The following GGACT variants were observed in gnomAD, a reference collection of about 807,000 sequenced individuals.
The protein encoded by GGACT is gamma-glutamylamine cyclotransferase.
For synonymous variants in GGACT, 118 were observed against 115.3 expected (o/e 1.02, Z -0.15); for missense variants, 241 against 233.2 (o/e 1.03, Z -0.22).
chr13:100,565,144 C>T lies in GGACT; in HGVS notation c.-11+18681G>A, dbSNP rs187392413. Among the ~76,000 whole-genome samples, 505 of 152,244 alleles carry T rather than the reference C, an allele frequency of 3.3e-3. 4 individuals carry two copies. The highest frequency in any genetic ancestry group is 0.012 in the African/African-American group (479 of 41,536). ...GGCTCTACTCTAAGAATTCACGGTT[C>T]GTCTTGTTTAGAGCGGCTTGGTGAG... On this transcript the variant is annotated intron_variant, in intron 2 of 2. Transcript: ENST00000683975.
chr13:100,570,271 TGGGTAATTTATAAAA>T (rs1279873211), intron 2 of GGACT, among the ~76,000 whole-genome samples: 2 of 152,172 alleles, frequency 1.3e-5, no homozygotes, highest in Non-Finnish European at 2.9e-5. Context: ...TACCTGAGAC[TGGGTAATTTATAAAA>T]GGAAGAGGTT....
intron 2 of GGACT, among the ~76,000 whole-genome samples, chr13:100,554,381 A>G (rs896716883): frequency 6.6e-6 from 1 of 152,218 alleles, no homozygotes; most frequent in Non-Finnish European, 1.5e-5. Flanking sequence ...AGAAATGATT[A>G]TAAGACAGTT....
At position 100,530,397 on chromosome 13, in the gene GGACT, T is replaced by C. The variant is rs1026974616; in HGVS notation, c.*1733A>G. On this transcript the variant is annotated 3_prime_UTR_variant, in exon 3 of 3. Transcript: ENST00000683975. ...GTACTTCTGCTGTGAGATTCCCTAG[T>C]GTCAAAATTAAATCAATAAAACTGA... 1.3e-5 allele frequency: 8 copies of C among 598,814 alleles called. No individual in the cohort carries two copies. The African/African-American group carries it at 1.5e-4, about 11-fold the overall frequency. The allele number at this position is 598,814 out of a possible 1,614,324, so 37.1% of individuals were successfully genotyped here.
chr13:100,542,295 C>A (rs1426080758), intron 2 of GGACT, among the ~76,000 whole-genome samples: 1 of 152,206 alleles, frequency 6.6e-6, no homozygotes, highest in Non-Finnish European at 1.5e-5. Flanking sequence ...GGGTTTGTTT[C>A]ATGGGACAAG....
intron 2 of GGACT, among the ~76,000 whole-genome samples, chr13:100,559,858 G>GT (rs902999425): frequency 9.8e-5 from 15 of 152,368 alleles, no homozygotes; most frequent in Admixed American, 9.1e-4. Context: ...ATGTAATTCA[G>GT]TTATGTATAC....
chr13:100,557,602 TCA>T (rs1236593990), intron 2 of GGACT, among the ~76,000 whole-genome samples: 1 of 142,938 alleles, frequency 7.0e-6, no homozygotes, highest in Non-Finnish European at 1.6e-5. Context: ...ACCTCTTATC[TCA>T]CTCCCTATAC....
intron 2 of GGACT, among the ~76,000 whole-genome samples, chr13:100,546,822 T>C (rs1436491682): frequency 2.6e-5 from 4 of 152,262 alleles, no homozygotes; most frequent in Non-Finnish European, 4.4e-5. Context: ...CACCTTTTCT[T>C]GCTTTTCGAG....
At chr13:100,552,580 A>G (rs1309652752) in intron 2 of GGACT, among the ~76,000 whole-genome samples, 1 of 152,166 alleles carries the variant, frequency 6.6e-6, no homozygotes, top group Non-Finnish European at 1.5e-5. Flanking sequence ...CTGTGCTTTG[A>G]GTCCTTTTCT....
chr13:100,543,197 CT>C (rs147710327), intron 2 of GGACT, among the ~76,000 whole-genome samples: 336 of 69,874 alleles, frequency 4.8e-3, no homozygotes, highest in Non-Finnish European at 6.0e-3. Context: ...AAGACACCAG[CT>C]TTTTTTTTTT....
In GGACT at chr13:100,530,380, G is replaced by T. The variant is rs2088319194; in HGVS notation, c.*1750C>A. ...ACTTGTACATATGATTTGTACTTCTGCTGTGAGATTCCCTAGTGTCAAAAT... is the reference window on the plus strand; with the variant it reads ...ACTTGTACATATGATTTGTACTTCTTCTGTGAGATTCCCTAGTGTCAAAAT... On this transcript the variant is annotated 3_prime_UTR_variant, in exon 3 of 3. Coordinates refer to ENST00000683975, the MANE Select transcript of GGACT (RefSeq NM_001195087.2). 1.6e-5 allele frequency: 10 copies of T among 613,436 alleles called. No homozygotes were observed. The Admixed American group carries it at 1.8e-4, about 11-fold the overall frequency. The allele number at this position is 613,436 out of a possible 1,614,324, so 38.0% of individuals were successfully genotyped here.
chr13:100,578,642 G>A (rs753946426), intron 2 of GGACT, among the ~76,000 whole-genome samples: 3 of 152,178 alleles, frequency 2.0e-5, no homozygotes, highest in Non-Finnish European at 2.9e-5. Context: ...CTCCAATGCC[G>A]TCAAACCATT....
chr13:100,546,523 G>T (rs561390247), intron 2 of GGACT, among the ~76,000 whole-genome samples: 62 of 151,832 alleles, frequency 4.1e-4, no homozygotes, highest in African/African-American at 1.4e-3. Context: ...TTGTAATAAG[G>T]AAATAGACTG....
intron 2 of GGACT, among the ~76,000 whole-genome samples, chr13:100,577,001 CTG>C (rs1875266312): frequency 6.6e-6 from 1 of 152,164 alleles, no homozygotes; most frequent in East Asian, 1.9e-4. Flanking sequence ...TAAGAACACT[CTG>C]AATCAAATTA....
chr13:100,576,866 C>T (rs1255951428), intron 2 of GGACT, among the ~76,000 whole-genome samples: 3 of 152,232 alleles, frequency 2.0e-5, no homozygotes, highest in Non-Finnish European at 2.9e-5. Context: ...TACAAGAATC[C>T]ACACATTTTA....
Position 100,545,094 on chromosome 13 carries a change from G to A in GGACT, c.-10-12493C>T, listed in dbSNP as rs1019829431. Among the ~76,000 whole-genome samples, 5 of 152,212 alleles carry A rather than the reference G, an allele frequency of 3.3e-5. No homozygotes were observed. Among genetic ancestry groups the A allele is most frequent in the Admixed American group, 6.5e-5 (1 of 15,286 alleles). On this transcript the variant is annotated intron_variant, in intron 2 of 2. Coordinates refer to ENST00000683975, the MANE Select transcript of GGACT (RefSeq NM_001195087.2). The surrounding 1 kb of genome is among the most constrained non-coding windows in gnomAD (Gnocchi z 4.4). ...CCAGCGGCCCAACACTGGAGATGCCGTCAACCTCGTCACACAGGGCCAACC... is the reference window on the plus strand; with the variant it reads ...CCAGCGGCCCAACACTGGAGATGCCATCAACCTCGTCACACAGGGCCAACC...
rs1215502238 is a variant in GGACT at position 100,531,145 on chromosome 13, A to AGAC, written c.*982_*984dup. ...TTCTGAAATCCTTGGAATACATTTC[A>AGAC]GACTTTGCTGGGAAGCAGAAGCAAG... is the stretch of plus-strand genomic sequence containing the variant. On this transcript the variant is annotated 3_prime_UTR_variant, in exon 3 of 3. Coordinates refer to ENST00000683975, the MANE Select transcript of GGACT (RefSeq NM_001195087.2). The AGAC allele has an allele frequency of 1.3e-5, 2 of 152,272 alleles. No homozygotes were observed. Among genetic ancestry groups the AGAC allele is most frequent in the Non-Finnish European group, 1.5e-5 (1 of 68,054 alleles). The allele number at this position is 152,272 out of a possible 1,614,324, so 9.4% of individuals were successfully genotyped here.
In GGACT at chr13:100,532,143, CG is replaced by C; in HGVS notation, c.448del (p.Arg150GlyfsTer52). The C allele has an allele frequency of 1.4e-6, 2 of 1,450,846 alleles. No individual in the cohort carries two copies. Among genetic ancestry groups the C allele is most frequent in the Non-Finnish European group, 9.1e-7 (1 of 1,096,692 alleles). 89.9% of individuals were successfully genotyped at this position (1,450,846 alleles called of 1,614,324 possible). On this transcript the variant is annotated frameshift_variant, in exon 3 of 3. Coordinates refer to ENST00000683975, the MANE Select transcript of GGACT (RefSeq NM_001195087.2). LOFTEE classifies it high-confidence loss of function. ...EGPHGLRYNP[R>X]ENR is the part of the protein sequence containing the mutation. ...TGCCCGTCCCCCTTATCTGTTCTCC[CG>C]GGGGTTGTAGCGCAGCCCGTGCGGC...
chr13:100,531,744 G>GT lies in GGACT; in HGVS notation c.*385dup, dbSNP rs1322483598. Reference sequence around the variant, plus strand: ...TCTCAGGGGTTACAGGCCAGAATCAGTATAGTAGGGCTGCTAAAATCTAGC... The same window carrying GT: ...TCTCAGGGGTTACAGGCCAGAATCAGTTATAGTAGGGCTGCTAAAATCTAGC... On this transcript the variant is annotated 3_prime_UTR_variant, in exon 3 of 3. Transcript: ENST00000683975. 1 of 182,650 alleles carries GT rather than the reference G, an allele frequency of 5.5e-6. No homozygotes were observed. The highest frequency in any genetic ancestry group is 1.4e-4 in the East Asian group (1 of 7,274). The allele number at this position is 182,650 out of a possible 1,614,324, so 11.3% of individuals were successfully genotyped here. A position where few individuals can be genotyped will look rare whatever the true frequency, so the allele number is the denominator to read the frequency against.
intron 2 of GGACT, among the ~76,000 whole-genome samples, chr13:100,568,265 T>C (rs1874968428): frequency 6.6e-6 from 1 of 152,266 alleles, no homozygotes. Flanking sequence ...CTCATGCTGC[T>C]AATAAAGACA....
Sources: allele counts gnomAD v4.1 joint callset (sites outside exome capture counted in the v4.1 genomes callset), GRCh38; gene constraint gnomAD v4.1.1; non-coding constraint Gnocchi (gnomAD v3.1); transcripts MANE v1.5; gene names NCBI Gene and HGNC (gene_info 2026-07-23, HGNC 2026-07-21).